Variants in CD47 observed in about 807,000 individuals in gnomAD.
CD47 encodes the protein leukocyte surface antigen CD47.
Under a neutral mutation model 44.6 loss-of-function variants are expected in CD47, and 11 were observed. That is an observed-to-expected ratio of 0.25 (90% CI 0.16 to 0.41). The LOEUF (loss-of-function observed/expected upper bound fraction) is 0.41. Among genes scored for constraint, CD47 ranks in the 10% least tolerant of loss-of-function variants. CD47 has a pLI of 1.00. For synonymous variants in CD47, 140 were observed against 136.3 expected, an observed-to-expected ratio of 1.03 and a Z score of -0.19; for missense variants, 306 against 386.7, an observed-to-expected ratio of 0.79 and a Z score of 1.75.
intron 1 of CD47, among the ~76,000 whole-genome samples, chr3:108,085,031 G>A (rs1315618140): frequency 6.6e-6 from 1 of 151,950 alleles, no homozygotes; most frequent in Non-Finnish European, 1.5e-5. Flanking sequence ...ACCCTTTTCA[G>A]GCTAAATTCT....
Position 108,060,770 on chromosome 3 carries a change from A to C in CD47, c.573T>G (p.Ile191Met), listed in dbSNP as rs768091582. The C allele has an allele frequency of 5.6e-6, 9 of 1,613,308 alleles. No homozygotes were observed. The South Asian group carries it at 9.9e-5, about 18-fold the overall frequency. Residue 191 changes from isoleucine (I) to methionine (M), a missense_variant, in exon 4 of 11, where the codon ATT (isoleucine) becomes ATG (methionine). Ile to Met is a conservative substitution (Grantham distance 10). Transcript: ENST00000361309. ...VAGLVITVIV[I>M]VGAILFVPGE... ...CTGGGACGAAAAGAATGGCTCCAAC[A>C]ATGACAATGACAGTGATCACTAGTC...
At chr3:108,079,593 A>C (rs1008086093) in intron 2 of CD47, among the ~76,000 whole-genome samples, 1 of 149,242 alleles carries the variant, frequency 6.7e-6, no homozygotes, top group Non-Finnish European at 1.5e-5. Flanking sequence ...AAAAAAAAAA[A>C]AACACAAAAA....
chr3:108,046,274 T>C lies in CD47; in HGVS notation c.*1014A>G, dbSNP rs2078721251. Reference sequence around the variant, plus strand: ...CCTGTTGGCCTGATGGTGACACACATTTTGTTGCCATGCAGGAGACTCATA... The same window carrying C: ...CCTGTTGGCCTGATGGTGACACACACTTTGTTGCCATGCAGGAGACTCATA... On this transcript the variant is annotated 3_prime_UTR_variant, in exon 11 of 11. Transcript: ENST00000361309. 1 of 152,690 alleles carries C rather than the reference T, an allele frequency of 6.5e-6. No homozygotes were observed. The highest frequency in any genetic ancestry group is 1.5e-5 in the Non-Finnish European group (1 of 68,046). The allele number at this position is 152,690 out of a possible 1,614,324, so 9.5% of individuals were successfully genotyped here.
intron 1 of CD47, among the ~76,000 whole-genome samples, chr3:108,084,546 A>T (rs1029969688): frequency 6.6e-6 from 1 of 152,054 alleles, no homozygotes; most frequent in Non-Finnish European, 1.5e-5. Flanking sequence ...TAAATAAAAA[A>T]CTGAATCATG....
At chr3:108,054,325 G>T (rs1373015182) in intron 7 of CD47, 4 of 152,084 alleles carry the variant, frequency 2.6e-5, no homozygotes, top group African/African-American at 9.7e-5. Context: ...CGATCCAAGG[G>T]ATGTCACAGT....
At chr3:108,050,454 G>T in intron 9 of CD47, 124 bp downstream of exon 9, 1 of 642,078 alleles carries the variant, frequency 1.6e-6, no homozygotes, top group East Asian at 3.1e-5. Flanking sequence ...GAGATGCCAA[G>T]GAAAGAAAAA....
chr3:108,049,411 T>C (rs976474489), intron 10 of CD47, among the ~76,000 whole-genome samples: 2 of 152,258 alleles, frequency 1.3e-5, no homozygotes, highest in Non-Finnish European at 2.9e-5. Flanking sequence ...GACTGGAGTC[T>C]GATTCGTGAC....
At chr3:108,083,406 T>C (rs1458660149) in intron 1 of CD47, among the ~76,000 whole-genome samples, 1 of 152,036 alleles carries the variant, frequency 6.6e-6, no homozygotes, top group Non-Finnish European at 1.5e-5. Context: ...TTAGAAATTT[T>C]AAAAATGCAA....
At chr3:108,084,540 T>TA (rs1265943401) in intron 1 of CD47, among the ~76,000 whole-genome samples, 2 of 152,046 alleles carry the variant, frequency 1.3e-5, no homozygotes, top group Non-Finnish European at 2.9e-5. Context: ...AACTTTTAAA[T>TA]AAAAAACTGA....
chr3:108,081,890 C>G (rs2079427300), intron 1 of CD47, among the ~76,000 whole-genome samples: 1 of 151,918 alleles, frequency 6.6e-6, no homozygotes. Context: ...AAATTGCAGT[C>G]TGAACCTATA....
intron 1 of CD47, among the ~76,000 whole-genome samples, chr3:108,083,953 TC>T (rs2079467390): frequency 6.6e-6 from 1 of 151,582 alleles, no homozygotes; most frequent in African/African-American, 2.4e-5. Flanking sequence ...AAAGCTAGTT[TC>T]CATTTCTGCC....
chr3:108,054,599 C>G (rs2078882665), intron 7 of CD47: 1 of 152,304 alleles, frequency 6.6e-6, no homozygotes, highest in East Asian at 1.9e-4. Context: ...AGCATACTTG[C>G]AATGCTTCTT....
At chr3:108,050,101 T>G (rs578246309) in intron 9 of CD47, among the ~76,000 whole-genome samples, 30 of 152,284 alleles carry the variant, frequency 2.0e-4, no homozygotes, top group East Asian at 7.7e-4. Flanking sequence ...GAGAATATTA[T>G]AAAAGTAATA....
At chr3:108,068,647 A>C (rs1318766305) in intron 3 of CD47, among the ~76,000 whole-genome samples, 8 of 152,170 alleles carry the variant, frequency 5.3e-5, no homozygotes, top group African/African-American at 1.9e-4. Flanking sequence ...AAATTGCCTA[A>C]TCTATCTGTG....
At chr3:108,079,397 T>C (rs1376155229) in intron 2 of CD47, among the ~76,000 whole-genome samples, 1 of 151,372 alleles carries the variant, frequency 6.6e-6, no homozygotes, top group Non-Finnish European at 1.5e-5. Flanking sequence ...TGAATTTGAA[T>C]CTCTAGTTCT....
chr3:108,045,318 T>C lies in CD47; in HGVS notation c.*1970A>G, dbSNP rs1462031501. On this transcript the variant is annotated 3_prime_UTR_variant, in exon 11 of 11. Transcript: ENST00000361309. ...TTTCTAATAGGAGCTTGGATCTTTT[T>C]CAAGTCCATCTGCTTTTCCCTCCTT... is the stretch of plus-strand genomic sequence containing the variant. 2 of 152,660 alleles carry C rather than the reference T, an allele frequency of 1.3e-5. No individual in the cohort carries two copies. The highest frequency in any genetic ancestry group is 2.9e-5 in the Non-Finnish European group (2 of 68,036). The allele number at this position is 152,660 out of a possible 1,614,324, so 9.5% of individuals were successfully genotyped here. A position where few individuals can be genotyped will look rare whatever the true frequency, so the allele number is the denominator to read the frequency against.
chr3:108,057,860 A>C (rs547742765), intron 6 of CD47, among the ~76,000 whole-genome samples: 1 of 152,326 alleles, frequency 6.6e-6, no homozygotes, highest in Non-Finnish European at 1.5e-5. Context: ...AAATACAGGC[A>C]TATCAGTTTG....
At chr3:108,080,432 G>C in intron 1 of CD47, 88 bp from the exon 2 acceptor site, 1 of 675,322 alleles carries the variant, frequency 1.5e-6, no homozygotes, top group Non-Finnish European at 2.5e-6. Flanking sequence ...AAGATAAACA[G>C]CAACATTTCC....
rs2079388498 is a variant in CD47, at chr3:108,080,115, T to C, written c.276A>G (p.Leu92=). The stretch of plus-strand genomic sequence containing the variant: ...CCATCTTCAAAGAGGCATCTCCTTT[T>C]AGTAATTGTGAGACTTCAATTTTTG... The part of the protein sequence containing the change: ...SSAKIEVSQL[L]KGDASLKMDK... Residue 92 remains leucine, a synonymous_variant, in exon 2 of 11, where the codon CTA becomes CTG. Coordinates refer to ENST00000361309, the MANE Select transcript of CD47 (RefSeq NM_001777.4). 2 of 1,612,950 alleles carry C rather than the reference T, an allele frequency of 1.2e-6. No homozygotes were observed. The highest frequency in any genetic ancestry group is 1.3e-5 in the African/African-American group (1 of 74,896).
Sources: allele counts gnomAD v4.1 joint callset (sites outside exome capture counted in the v4.1 genomes callset), GRCh38; gene constraint gnomAD v4.1.1; transcripts MANE v1.5; gene names NCBI Gene and HGNC (gene_info 2026-07-23, HGNC 2026-07-21).